The following PDE8A variants were observed in gnomAD, a reference collection of about 807,000 sequenced individuals.
PDE8A encodes phosphodiesterase 8A.
Under a neutral mutation model 105.0 loss-of-function variants are expected in PDE8A, and 59 were observed. That is an observed-to-expected ratio of 0.56 (90% CI 0.46 to 0.70). PDE8A has a LOEUF of 0.70. Among genes scored for constraint, PDE8A ranks in the 30% least tolerant of loss-of-function variants. The pLI is 0.00. For missense variants in PDE8A, 1,014 were observed against 1,045.9 expected (o/e 0.97, Z 0.42); for synonymous variants, 355 against 371.9 (o/e 0.95, Z 0.52).
intron 5 of PDE8A, among the ~76,000 whole-genome samples, chr15:85,081,735 T>C (rs2081469800): frequency 2.6e-5 from 4 of 152,136 alleles, no homozygotes; most frequent in African/African-American, 9.7e-5. Context: ...GAGAACAGTG[T>C]TTAAACACGC....
intron 11 of PDE8A, among the ~76,000 whole-genome samples, chr15:85,105,324 G>T (rs1270298527): frequency 6.6e-6 from 1 of 152,136 alleles, no homozygotes; most frequent in African/African-American, 2.4e-5. Context: ...TGGCAGTTTG[G>T]AGGTGGCCCT....
chr15:85,100,481 C>T (rs181311411), intron 11 of PDE8A, among the ~76,000 whole-genome samples: 1 of 152,326 alleles, frequency 6.6e-6, no homozygotes, highest in Admixed American at 6.5e-5. Flanking sequence ...GTTTTATAAC[C>T]TGATTTATAC....
At chr15:84,984,072 C>T (rs548766541) in intron 1 of PDE8A, among the ~76,000 whole-genome samples, 17 of 152,322 alleles carry the variant, frequency 1.1e-4, no homozygotes, top group African/African-American at 4.1e-4. Context: ...TAAATGTTTA[C>T]TGATTTCTTA....
chr15:85,104,999 G>A (rs893109271), intron 11 of PDE8A, among the ~76,000 whole-genome samples: 40 of 152,094 alleles, frequency 2.6e-4, no homozygotes, highest in African/African-American at 9.4e-4. Flanking sequence ...TAAACATACA[G>A]TATATCAGAT....
At chr15:84,989,082 A>G (rs1184269292) in intron 1 of PDE8A, among the ~76,000 whole-genome samples, 2 of 152,230 alleles carry the variant, frequency 1.3e-5, no homozygotes, top group Non-Finnish European at 2.9e-5. Context: ...TGTCTGAGTT[A>G]GGGTTAAGCA....
intron 6 of PDE8A, among the ~76,000 whole-genome samples, chr15:85,084,072 T>G (rs896554040): frequency 1.3e-5 from 2 of 151,256 alleles, no homozygotes; most frequent in African/African-American, 2.4e-5. Context: ...TTTTTTTAAG[T>G]GACATGAGTA....
chr15:84,988,638 A>G (rs1398764706), intron 1 of PDE8A, among the ~76,000 whole-genome samples: 1 of 152,144 alleles, frequency 6.6e-6, no homozygotes, highest in Non-Finnish European at 1.5e-5. Flanking sequence ...CCCTTTGCCT[A>G]GAGTGCTGTT....
chr15:85,065,259 G>A (rs2081203914), intron 2 of PDE8A, among the ~76,000 whole-genome samples: 1 of 143,042 alleles, frequency 7.0e-6, no homozygotes, highest in Non-Finnish European at 1.5e-5. Context: ...ATATGAGACA[G>A]AAAACAACCA....
At chr15:85,063,252 T>C (rs2141449144) in intron 1 of PDE8A, 1 of 152,320 alleles carries the variant, frequency 6.6e-6, no homozygotes, top group East Asian at 1.9e-4. Flanking sequence ...TTTACTAGAA[T>C]AGGTCACTGT....
In PDE8A at chr15:85,041,786, G is replaced by A. The variant is rs1181796147; in HGVS notation, c.187-22584G>A. 1.6e-4 allele frequency among the ~76,000 whole-genome samples: 24 copies of A among 152,164 alleles called. 1 individual carries two copies. Among genetic ancestry groups the A allele is most frequent in the Non-Finnish European group, 3.2e-4 (22 of 68,032 alleles). On this transcript the variant is annotated intron_variant, in intron 1 of 21. Coordinates refer to ENST00000394553, the MANE Select transcript of PDE8A (RefSeq NM_002605.3). ...TGCTATTTGCAATGAAGGGGCAGGC[G>A]ATGATTGTCCAAGGCTGGGGCCTCA...
intron 3 of PDE8A, among the ~76,000 whole-genome samples, chr15:85,071,370 C>G (rs56110732): frequency 6.6e-6 from 1 of 152,188 alleles, no homozygotes; most frequent in Non-Finnish European, 1.5e-5. Flanking sequence ...CCTGCCATCC[C>G]TGCTGCCCCT....
At chr15:85,133,352 C>T (rs2082356273) in intron 20 of PDE8A, among the ~76,000 whole-genome samples, 1 of 152,162 alleles carries the variant, frequency 6.6e-6, no homozygotes, top group South Asian at 2.1e-4. Flanking sequence ...GAAACAGAGA[C>T]CAATCCTTCA....
chr15:85,052,627 A>C (rs1027093547), intron 1 of PDE8A, among the ~76,000 whole-genome samples: 8 of 152,192 alleles, frequency 5.3e-5, no homozygotes, highest in Non-Finnish European at 4.4e-5. Flanking sequence ...TCTTCTTTTG[A>C]GAAGTGTCTG....
intron 1 of PDE8A, among the ~76,000 whole-genome samples, chr15:85,018,427 AC>A (rs1469247213): frequency 1.3e-5 from 2 of 152,176 alleles, no homozygotes; most frequent in Admixed American, 1.3e-4. Context: ...TGGATTATTA[AC>A]AGTTGGTCCA....
chr15:85,098,872 G>A (rs1046736575), intron 9 of PDE8A, among the ~76,000 whole-genome samples: 2 of 151,890 alleles, frequency 1.3e-5, no homozygotes, highest in Admixed American at 1.3e-4. Context: ...TGGGAGAATC[G>A]CTTGATCTTG....
chr15:85,010,739 G>T (rs769574356), intron 1 of PDE8A, among the ~76,000 whole-genome samples: 1 of 152,178 alleles, frequency 6.6e-6, no homozygotes, highest in African/African-American at 2.4e-5. Flanking sequence ...TTAGTAGGAG[G>T]TTGGAGCCCC....
rs1330796866 is a variant in PDE8A, at chr15:85,089,353, A to G, written c.651A>G (p.Val217=). 3.2e-6 allele frequency: 5 copies of G among 1,573,066 alleles called. No homozygotes were observed. In the South Asian group the frequency reaches 5.6e-5, roughly 18 times the overall value. ...SQLKLRACNS[V]FTALENSEDA... The stretch of plus-strand genomic sequence containing the variant: ...ACTCATAAAGGGCTTGTAACTCAGT[A>G]TTCACTGCATTAGAAAACAGTGAAG... Residue 217 remains valine (V), a synonymous_variant, in exon 7 of 22, where the codon GTA becomes GTG. Transcript: ENST00000394553.
intron 1 of PDE8A, among the ~76,000 whole-genome samples, chr15:85,029,686 G>A (rs1248783648): frequency 6.6e-6 from 1 of 152,164 alleles, no homozygotes; most frequent in African/African-American, 2.4e-5. Context: ...ATTTTCTGGT[G>A]CCTGACACTG....
At chr15:85,075,175 C>T (rs1235437661) in intron 3 of PDE8A, among the ~76,000 whole-genome samples, 4 of 152,202 alleles carry the variant, frequency 2.6e-5, no homozygotes, top group African/African-American at 9.7e-5. Flanking sequence ...CCCATGGCCT[C>T]TAAAGCTGCT....
Sources: allele counts gnomAD v4.1 joint callset (sites outside exome capture counted in the v4.1 genomes callset), GRCh38; gene constraint gnomAD v4.1.1; transcripts MANE v1.5; gene names NCBI Gene and HGNC (gene_info 2026-07-23, HGNC 2026-07-21).